The following FAR2 variants were observed in gnomAD, a reference collection of about 807,000 sequenced individuals.
FAR2 encodes fatty acyl-CoA reductase 2.
A neutral mutation model predicts 56.0 loss-of-function variants in FAR2; 19 were observed. The ratio of observed to expected loss-of-function variants is 0.34; its 90% CI spans 0.24 to 0.50. FAR2 has a LOEUF of 0.50. Among genes scored for constraint, FAR2 ranks in the 20% least tolerant of loss-of-function variants. The pLI, the probability that FAR2 is intolerant of heterozygous loss-of-function variation, is 0.98. For synonymous variants in FAR2, 219 were observed against 218.8 expected (o/e 1.00, Z -0.01); for missense variants, 508 against 642.2 (o/e 0.79, Z 2.26).
chr12:29,333,478 A>T, intron 11 of FAR2, 154 bp from the exon 12 acceptor site: 1 of 646,326 alleles, frequency 1.5e-6, no homozygotes, highest in Non-Finnish European at 2.7e-6. Context: ...GTGGAAATGA[A>T]AGACGCAGAA....
intron 1 of FAR2, among the ~76,000 whole-genome samples, chr12:29,166,588 C>G (rs976316059): frequency 3.9e-5 from 6 of 152,194 alleles, no homozygotes; most frequent in African/African-American, 1.4e-4. Flanking sequence ...TTTCCTACTT[C>G]TGAGAGTATT....
In FAR2 at chr12:29,323,066, C is replaced by T. The variant is rs73065552; in HGVS notation, c.1257+1142C>T. On this transcript the variant is annotated intron_variant, in intron 10 of 11. Transcript: ENST00000536681. ...TAGACTGGAGCTGTTCCTATTCGCT[C>T]TTCCAACGGGCTTAACAAATGGCAC... Among the ~76,000 whole-genome samples the T allele has an allele frequency of 5.6e-3, 858 of 152,374 alleles. 9 individuals carry two copies. Among genetic ancestry groups the T allele is most frequent in the Middle Eastern group, 0.034 (10 of 294 alleles).
chr12:29,185,506 A>C (rs7961901), intron 1 of FAR2, among the ~76,000 whole-genome samples: 105,754 of 152,116 alleles, frequency 0.7, 37,500 homozygotes, highest in Non-Finnish European at 0.77. Context: ...CGGGTGAACA[A>C]CAAGAATGAT....
At chr12:29,314,748 T>C (rs1178472881) in intron 8 of FAR2, among the ~76,000 whole-genome samples, 1 of 152,064 alleles carries the variant, frequency 6.6e-6, no homozygotes, top group Non-Finnish European at 1.5e-5. Flanking sequence ...TCCCACCAAA[T>C]TGCCAATTCC....
intron 9 of FAR2, 82 bp downstream of exon 9, chr12:29,317,094 GAGGATTAA>G: frequency 7.1e-7 from 1 of 1,406,302 alleles, no homozygotes; most frequent in East Asian, 2.3e-5. Context: ...TCCTTCAGCC[GAGGATTAA>G]AGGAGACAAC....
intron 1 of FAR2, among the ~76,000 whole-genome samples, chr12:29,232,724 T>C (rs1947878047): frequency 6.6e-6 from 1 of 151,968 alleles, no homozygotes; most frequent in Non-Finnish European, 1.5e-5. Context: ...CTTTCATAGT[T>C]TTGGCACCTG....
chr12:29,191,311 G>C (rs891031833), intron 1 of FAR2, among the ~76,000 whole-genome samples: 1 of 152,230 alleles, frequency 6.6e-6, no homozygotes, highest in Non-Finnish European at 1.5e-5. Context: ...AGCCCCGCAA[G>C]GGAAAAGGGA....
At chr12:29,322,013 G>C in intron 10 of FAR2, 89 bp downstream of exon 10, 1 of 1,446,306 alleles carries the variant, frequency 6.9e-7, no homozygotes, top group Non-Finnish European at 9.2e-7. Context: ...GAATGAATAA[G>C]ACGTTTGGTT....
intron 10 of FAR2, among the ~76,000 whole-genome samples, chr12:29,325,048 G>A (rs931095193): frequency 1.6e-4 from 24 of 152,104 alleles, no homozygotes; most frequent in Admixed American, 1.4e-3. Context: ...TAAAGGGATG[G>A]AGGAAGATCT....
At chr12:29,162,741 A>T (rs1359802356) in intron 1 of FAR2, among the ~76,000 whole-genome samples, 1 of 147,564 alleles carries the variant, frequency 6.8e-6, no homozygotes, top group East Asian at 1.9e-4. Flanking sequence ...AATGAAGACA[A>T]GGCCCACTTG....
Position 29,180,305 on chromosome 12 carries a change from T to C in FAR2, c.-39+30898T>C, listed in dbSNP as rs554521873. ...CTCATTATGCCCTGTTCTTGCAGAG[T>C]AGTAATGACTCAATGATTATCTTGA... is the stretch of plus-strand genomic sequence containing the variant. On this transcript the variant is annotated intron_variant, in intron 1 of 11. Coordinates refer to ENST00000536681, the MANE Select transcript of FAR2 (RefSeq NM_001271783.2). Among the ~76,000 whole-genome samples, 126 of 152,162 alleles carry C rather than the reference T, an allele frequency of 8.3e-4. 1 individual carries two copies. Among genetic ancestry groups the C allele is most frequent in the African/African-American group, 2.9e-3 (119 of 41,518 alleles).
At chr12:29,310,971 A>C in intron 6 of FAR2, 57 bp from the exon 7 acceptor site, 1 of 1,274,896 alleles carries the variant, frequency 7.8e-7, no homozygotes, top group East Asian at 2.3e-5. Flanking sequence ...TACATACTTT[A>C]GCCCCAGCTA....
At chr12:29,170,917 A>G (rs993422023) in intron 1 of FAR2, among the ~76,000 whole-genome samples, 1 of 152,216 alleles carries the variant, frequency 6.6e-6, no homozygotes, top group Admixed American at 6.5e-5. Context: ...ACTGCGTGCA[A>G]CAACTCCATG....
At chr12:29,197,287 G>A (rs1043070469) in intron 1 of FAR2, among the ~76,000 whole-genome samples, 1 of 152,158 alleles carries the variant, frequency 6.6e-6, no homozygotes, top group African/African-American at 2.4e-5. Flanking sequence ...ATCTGTCGTT[G>A]TATTTTGTAA....
intron 1 of FAR2, among the ~76,000 whole-genome samples, chr12:29,257,301 A>AC (rs1948335965): frequency 1.3e-5 from 2 of 152,200 alleles, no homozygotes; most frequent in South Asian, 4.1e-4. Context: ...CTTTGTGTGG[A>AC]CACTCTGTAT....
At chr12:29,256,718 G>T (rs1482845731) in intron 1 of FAR2, among the ~76,000 whole-genome samples, 1 of 152,168 alleles carries the variant, frequency 6.6e-6, no homozygotes, top group Non-Finnish European at 1.5e-5. Flanking sequence ...GCGTGGGCTT[G>T]GCGGGCCCTG....
Position 29,198,781 on chromosome 12 carries a change from G to A in FAR2, c.-39+49374G>A, listed in dbSNP as rs952062727. 7.9e-5 allele frequency among the ~76,000 whole-genome samples: 12 copies of A among 152,070 alleles called. No homozygotes were observed. In the South Asian group the frequency reaches 1.7e-3, roughly 21 times the overall value. ...TTTTAGATTTAAAGATACTTTCTGC[G>A]TCATAACCACTATTTTCTTTCCTAT... On this transcript the variant is annotated intron_variant, in intron 1 of 11. Coordinates refer to ENST00000536681, the MANE Select transcript of FAR2 (RefSeq NM_001271783.2).
intron 10 of FAR2, 91 bp downstream of exon 10, chr12:29,322,015 C>T (rs1949560962): frequency 7.0e-6 from 10 of 1,425,428 alleles, no homozygotes; most frequent in South Asian, 2.8e-5. Context: ...ATGAATAAGA[C>T]GTTTGGTTAT....
Position 29,316,878 on chromosome 12 carries a change from T to G in FAR2, c.993T>G (p.Phe331Leu), listed in dbSNP as rs1167007884. The G allele has an allele frequency of 6.2e-7, 1 of 1,614,126 alleles. No individual in the cohort carries two copies. Among genetic ancestry groups the G allele is most frequent in the Non-Finnish European group, 8.5e-7 (1 of 1,179,998 alleles). Residue 331 changes from phenylalanine (F) to leucine (L), a missense_variant, in exon 9 of 12, where the codon TTT becomes TTG. Coordinates refer to ENST00000536681, the MANE Select transcript of FAR2 (RefSeq NM_001271783.2). ...QVLATFEKIP[F>L]ERPFRRPNAN... ...TGGCAACCTTTGAAAAAATCCCATT[T>G]GAGAGACCTTTCAGGAGGCCAAATG...
Sources: allele counts gnomAD v4.1 joint callset (sites outside exome capture counted in the v4.1 genomes callset), GRCh38; gene constraint gnomAD v4.1.1; transcripts MANE v1.5; gene names NCBI Gene and HGNC (gene_info 2026-07-23, HGNC 2026-07-21).